Variants in CPLANE1 observed in about 807,000 individuals in gnomAD.
CPLANE1 encodes the protein ciliogenesis and planar polarity effector 1.
Under a neutral mutation model 362.5 loss-of-function variants are expected in CPLANE1, and 263 were observed. That is an observed-to-expected ratio of 0.73 (90% confidence interval 0.66 to 0.80). The LOEUF is 0.80. Among genes scored for constraint, CPLANE1 ranks in the 30% least tolerant of loss-of-function variants. CPLANE1 has a pLI of 0.00. For synonymous variants in CPLANE1, 1,212 were observed against 1,302.6 expected (o/e 0.93, Z 1.50); for missense variants, 3,461 against 3,793.4 (o/e 0.91, Z 2.30).
chr5:37,129,773 G>T (rs1269526980), intron 46 of CPLANE1, among the ~76,000 whole-genome samples: 1 of 152,116 alleles, frequency 6.6e-6, no homozygotes, highest in Non-Finnish European at 1.5e-5. Flanking sequence ...GGTTAAAAGG[G>T]AACATTTTTA....
chr5:37,175,142 T>A (rs1780812926), intron 31 of CPLANE1, among the ~76,000 whole-genome samples: 1 of 152,158 alleles, frequency 6.6e-6, no homozygotes, highest in South Asian at 2.1e-4. Flanking sequence ...GCTCCAGGGC[T>A]GTAGAGGTCC....
chr5:37,183,001 A>G lies in CPLANE1; in HGVS notation c.5180T>C (p.Ile1727Thr), dbSNP rs749614170. ...TAAAGGAAGATCTTCTTGAGGGTTAATATCATTGCACTGAATAGCTTTGAA... is the reference window on the plus strand; with the variant it reads ...TAAAGGAAGATCTTCTTGAGGGTTAGTATCATTGCACTGAATAGCTTTGAA... ...CIFKAIQCND[I>T]NPQEDLPLAL... The change falls in exon 26 of 53, where the codon ATT becomes ACT. Residue 1727 changes from isoleucine (I) to threonine (T), a missense_variant. By Grantham distance (89) the Ile-to-Thr change is moderately conservative (BLOSUM62 -1). Transcript: ENST00000651892. 4 of 1,612,276 alleles carry G rather than the reference A, an allele frequency of 2.5e-6. No homozygotes were observed. The South Asian group carries it at 4.4e-5, about 18-fold the overall frequency.
chr5:37,248,920 G>A (rs1740768535), intron 1 of CPLANE1, among the ~76,000 whole-genome samples: 1 of 152,224 alleles, frequency 6.6e-6, no homozygotes, highest in Non-Finnish European at 1.5e-5. Context: ...GATCCTGCTC[G>A]AGAAGCTGGG....
intron 43 of CPLANE1, among the ~76,000 whole-genome samples, chr5:37,144,167 T>C (rs568980641): frequency 6.6e-6 from 1 of 151,498 alleles, no homozygotes; most frequent in Non-Finnish European, 1.5e-5. Context: ...CCCAGCACTT[T>C]GGGAGGCCAA....
chr5:37,092,695 C>T, the CPLANE1 span, among the ~76,000 whole-genome samples: 1 of 152,202 alleles, frequency 6.6e-6, no homozygotes, highest in Admixed American at 6.5e-5. Context: ...AAATTCCATG[C>T]CACCTCAAGA....
chr5:37,077,640 G>A, the CPLANE1 span, among the ~76,000 whole-genome samples: 7 of 127,630 alleles, frequency 5.5e-5, no homozygotes, highest in Non-Finnish European at 1.1e-4. Context: ...TTGAGACAGG[G>A]TCTCGCTCTG....
chr5:37,245,412 A>G (rs1739318665), intron 4 of CPLANE1, 67 bp downstream of exon 4: 3 of 1,290,226 alleles, frequency 2.3e-6, no homozygotes, highest in Admixed American at 3.7e-5. Context: ...AGTAACAGAA[A>G]AATGTTTCAT....
chr5:37,133,415 CTA>C (rs1231056875), intron 46 of CPLANE1, among the ~76,000 whole-genome samples: 1 of 151,816 alleles, frequency 6.6e-6, no homozygotes, highest in African/African-American at 2.4e-5. Flanking sequence ...GGGATGTTTT[CTA>C]TGTTTTTATG....
At chr5:37,201,534 T>C in intron 19 of CPLANE1, 57 bp downstream of exon 19, 1 of 1,418,530 alleles carries the variant, frequency 7.0e-7, no homozygotes, top group South Asian at 1.2e-5. Flanking sequence ...TTAATTATTT[T>C]AAAAACTTGA....
chr5:37,240,805 TTAG>T (rs1304934620), intron 6 of CPLANE1, among the ~76,000 whole-genome samples: 5 of 152,206 alleles, frequency 3.3e-5, no homozygotes, highest in Admixed American at 3.3e-4. Context: ...CAGAGTTCTG[TTAG>T]TAGAGCCATG....
rs61112118 is a variant in CPLANE1, at chr5:37,187,060, C to CAAA, written c.4080+351_4080+353dup. 1.5e-3 allele frequency among the ~76,000 whole-genome samples: 78 copies of CAAA among 50,386 alleles called. 9 individuals carry two copies. The highest frequency in any genetic ancestry group is 6.8e-3 in the African/African-American group (75 of 10,992). 33.1% of individuals were successfully genotyped at this position (50,386 alleles called of 152,430 possible). On this transcript the variant is annotated intron_variant, in intron 23 of 52. Transcript: ENST00000651892. The stretch of plus-strand genomic sequence containing the variant: ...TGGGTGACAGAGCGAGACTCCGTCT[C>CAAA]AAAAAAAAAAAAAAAAAAAAAAAAA...
At chr5:37,179,887 T>C (rs1782186150) in intron 28 of CPLANE1, 130 bp downstream of exon 28, 1 of 506,416 alleles carries the variant, frequency 2.0e-6, no homozygotes, top group Non-Finnish European at 3.3e-6. Context: ...TTAATTCTCT[T>C]AATTTTTTAT....
chr5:37,152,743 G>A (rs1054695285), intron 42 of CPLANE1, among the ~76,000 whole-genome samples: 2 of 152,078 alleles, frequency 1.3e-5, no homozygotes, highest in African/African-American at 4.8e-5. Context: ...TAAAAACTTA[G>A]CTGAGAGTGG....
At position 37,170,122 on chromosome 5, in the gene CPLANE1, G is replaced by A. The variant is rs376290394; in HGVS notation, c.6381C>T (p.Asn2127=). 9 of 1,614,058 alleles carry A rather than the reference G, an allele frequency of 5.6e-6. No individual in the cohort carries two copies. Among genetic ancestry groups the A allele is most frequent in the Middle Eastern group, 1.6e-4 (1 of 6,062 alleles). The change falls in exon 33 of 53, where the codon AAC becomes AAT. Residue 2127 remains asparagine (N), a synonymous_variant. Coordinates refer to ENST00000651892, the MANE Select transcript of CPLANE1 (RefSeq NM_001384732.1). ...FFIKPQSMGE[N]AREPRKNSPH... ...GGCTGTTCTTGCGAGGCTCTCTGGCGTTCTCTCCCATTGACTGTGGTTTAA... is the reference window on the plus strand; with the variant it reads ...GGCTGTTCTTGCGAGGCTCTCTGGCATTCTCTCCCATTGACTGTGGTTTAA...
At chr5:37,190,529 G>A (rs946250237) in intron 21 of CPLANE1, among the ~76,000 whole-genome samples, 4 of 152,056 alleles carry the variant, frequency 2.6e-5, no homozygotes, top group African/African-American at 9.7e-5. Flanking sequence ...AGTGAGCTAC[G>A]ATCACACTAT....
chr5:37,138,668 C>A (rs1768604067), intron 46 of CPLANE1, 52 bp downstream of exon 46: 1 of 1,554,090 alleles, frequency 6.4e-7, no homozygotes, highest in African/African-American at 1.4e-5. Flanking sequence ...TTTGAACATT[C>A]TTGAATGAGA....
At chr5:37,158,017 TAGGAAA>T in intron 39 of CPLANE1, 149 bp from the exon 40 acceptor site, 1 of 767,958 alleles carries the variant, frequency 1.3e-6, no homozygotes, top group Non-Finnish European at 2.0e-6. Flanking sequence ...GTGCCTAACT[TAGGAAA>T]AGGAGCAGGA....
At position 37,121,704 on chromosome 5, in the gene CPLANE1, T is replaced by C. The variant is rs1388428909; in HGVS notation, c.9098A>G (p.Gln3033Arg). The C allele has an allele frequency of 4.3e-6, 7 of 1,613,798 alleles. No homozygotes were observed. The highest frequency in any genetic ancestry group is 5.9e-6 in the Non-Finnish European group (7 of 1,179,640). ...LMNELLSESV[Q>R]LPTLPQKPLP... Reference sequence around the variant, plus strand: ...TGGTTTCTGTGGTAGAGTTGGTAGCTGTACTGACTCAGATAACAGTTCATT... The same window carrying C: ...TGGTTTCTGTGGTAGAGTTGGTAGCCGTACTGACTCAGATAACAGTTCATT... Residue 3033 changes from glutamine (Q) to arginine (R), a missense_variant, in exon 49 of 53, where the codon CAG (glutamine) becomes CGG (arginine). Physicochemically the swap from Gln to Arg is conservative, Grantham distance 43. Coordinates refer to ENST00000651892, the MANE Select transcript of CPLANE1 (RefSeq NM_001384732.1).
chr5:37,170,469 A>C, intron 32 of CPLANE1, 138 bp from the exon 33 acceptor site: 1 of 924,294 alleles, frequency 1.1e-6, no homozygotes, highest in Non-Finnish European at 1.6e-6. Flanking sequence ...GCTGAGCAGG[A>C]GGCAGTCAGG....
Sources: gnomAD v4.1 joint callset for allele counts (sites outside exome capture counted in the v4.1 genomes callset) on GRCh38, gnomAD v4.1.1 for gene constraint, MANE v1.5 for transcripts, NCBI Gene and HGNC (gene_info 2026-07-23, HGNC 2026-07-21) for gene names.